FBXL7: variants seen among roughly 807,000 people sequenced by gnomAD.
The protein encoded by FBXL7 is F-box/LRR-repeat protein 7.
In FBXL7, 12 loss-of-function variants were observed where a neutral mutation model predicts 38.3. The ratio of observed to expected loss-of-function variants is 0.31; its 90% CI spans 0.20 to 0.51. FBXL7 has a LOEUF of 0.51. Among genes scored for constraint, FBXL7 ranks in the 20% least tolerant of loss-of-function variants. The pLI, the probability that FBXL7 is intolerant of heterozygous loss-of-function variation, is 0.98. For missense variants in FBXL7, 567 were observed against 676.4 expected, an observed-to-expected ratio of 0.84 and a Z score of 1.79; for synonymous variants, 297 against 300.9, an observed-to-expected ratio of 0.99 and a Z score of 0.13.
intron 2 of FBXL7, among the ~76,000 whole-genome samples, chr5:15,799,424 C>T (rs1737501989): frequency 7.9e-6 from 1 of 127,044 alleles, no homozygotes. Context: ...TACAGTGGTG[C>T]GATGTCAGCT....
rs1198569130 is a variant in FBXL7, at chr5:15,519,142, A to G, written c.37+18429A>G. On this transcript the variant is annotated intron_variant, in intron 1 of 3. Transcript: ENST00000504595. Reference sequence around the variant, plus strand: ...GCGGATCACCTGAGGTCAGGAGTTCAAGACCTGCTTGGCCAACATGGTGAA... The same window carrying G: ...GCGGATCACCTGAGGTCAGGAGTTCGAGACCTGCTTGGCCAACATGGTGAA... Among the ~76,000 whole-genome samples the G allele has an allele frequency of 2.0e-5, 3 of 152,022 alleles. No individual in the cohort carries two copies. The East Asian group carries it at 5.8e-4, about 30-fold the overall frequency.
chr5:15,636,110 T>C (rs1741182683), intron 2 of FBXL7, among the ~76,000 whole-genome samples: 1 of 152,070 alleles, frequency 6.6e-6, no homozygotes, highest in Admixed American at 6.6e-5. Context: ...TGTTTTTTTT[T>C]TTTTAATTTT....
Position 15,928,177 on chromosome 5 carries a change from CGA to C in FBXL7, c.417_418del (p.Cys141ProfsTer91). ...LPTNQLCRCA[R>X]VCRRWYNLAW... The stretch of plus-strand genomic sequence containing the variant: ...CACCAACCAGCTGTGCCGCTGCGCG[CGA>C]GTGTGCCGCCGCTGGTACAACCTGG... On this transcript the variant is annotated frameshift_variant, in exon 3 of 4. Coordinates refer to ENST00000504595, the MANE Select transcript of FBXL7 (RefSeq NM_012304.5). LOFTEE classifies it high-confidence loss of function. The surrounding 1 kb of genome is among the most constrained non-coding windows in gnomAD (Gnocchi z 4.0). The C allele has an allele frequency of 1.9e-6, 3 of 1,609,696 alleles. No individual in the cohort carries two copies.
chr5:15,593,359 A>G (rs1426054886), intron 1 of FBXL7, among the ~76,000 whole-genome samples: 1 of 152,156 alleles, frequency 6.6e-6, no homozygotes, highest in Admixed American at 6.5e-5. Flanking sequence ...CTCCAGCTCT[A>G]CTAAAAATAC....
rs556657873 is a variant in FBXL7 at position 15,811,755 on chromosome 5, A to G, written c.128-116135A>G. Reference sequence around the variant, plus strand: ...AAAAAAAAGCTGATCATCAGTGATCACTAGAGAAATGCAAATCAAAACCAC... The same window carrying G: ...AAAAAAAAGCTGATCATCAGTGATCGCTAGAGAAATGCAAATCAAAACCAC... On this transcript the variant is annotated intron_variant, in intron 2 of 3. Transcript: ENST00000504595. 3.9e-5 allele frequency among the ~76,000 whole-genome samples: 6 copies of G among 152,328 alleles called. No homozygotes were observed. The South Asian group carries it at 1.0e-3, about 26-fold the overall frequency.
At chr5:15,580,102 A>T (rs190288319) in intron 1 of FBXL7, among the ~76,000 whole-genome samples, 1 of 152,142 alleles carries the variant, frequency 6.6e-6, no homozygotes, top group African/African-American at 2.4e-5. Flanking sequence ...AATTAGCGTT[A>T]AAAAAGTTCA....
At chr5:15,904,800 G>A (rs1370038360) in intron 2 of FBXL7, among the ~76,000 whole-genome samples, 2 of 151,838 alleles carry the variant, frequency 1.3e-5, no homozygotes, top group South Asian at 2.1e-4. Flanking sequence ...CTAATATCTG[G>A]CCACCCATGT....
At chr5:15,901,824 C>T (rs1741240882) in intron 2 of FBXL7, among the ~76,000 whole-genome samples, 1 of 152,124 alleles carries the variant, frequency 6.6e-6, no homozygotes, top group Non-Finnish European at 1.5e-5. Flanking sequence ...GATATGATTG[C>T]CGTGTCTTGC....
chr5:15,876,701 T>C lies in FBXL7; in HGVS notation c.128-51189T>C, dbSNP rs1740223371. On this transcript the variant is annotated intron_variant, in intron 2 of 3. Transcript: ENST00000504595. ...TCTATTTTTTAACCTTTCTGTGTTA[T>C]AGTTAGGTATATTTGTCATCTAAGT... Among the ~76,000 whole-genome samples the C allele has an allele frequency of 3.9e-5, 6 of 152,362 alleles. No homozygotes were observed. The South Asian group carries it at 1.0e-3, about 26-fold the overall frequency.
chr5:15,616,308 G>A (rs2126519569), intron 2 of FBXL7, among the ~76,000 whole-genome samples: 1 of 152,260 alleles, frequency 6.6e-6, no homozygotes, highest in Non-Finnish European at 1.5e-5. Context: ...GGCAAATGTT[G>A]TTTTGTGAAA....
chr5:15,669,133 C>A (rs1223358979), intron 2 of FBXL7, among the ~76,000 whole-genome samples: 1 of 151,940 alleles, frequency 6.6e-6, no homozygotes, highest in African/African-American at 2.4e-5. Flanking sequence ...TGTTCACGCT[C>A]GAATTTGACA....
At chr5:15,685,614 G>A (rs1380624650) in intron 2 of FBXL7, among the ~76,000 whole-genome samples, 1 of 152,218 alleles carries the variant, frequency 6.6e-6, no homozygotes, top group Non-Finnish European at 1.5e-5. Context: ...AGAGAAAAGT[G>A]TAGGTTTTTT....
intron 2 of FBXL7, among the ~76,000 whole-genome samples, chr5:15,621,955 T>C (rs541640952): frequency 1.3e-5 from 2 of 152,172 alleles, no homozygotes; most frequent in East Asian, 3.9e-4. Flanking sequence ...TGAATATGAG[T>C]CATTGTGTTA....
At chr5:15,839,553 T>C (rs1194405073) in intron 2 of FBXL7, among the ~76,000 whole-genome samples, 1 of 152,128 alleles carries the variant, frequency 6.6e-6, no homozygotes, top group Admixed American at 6.5e-5. Flanking sequence ...CCCTGATCAA[T>C]GTATTGGTTC....
chr5:15,893,827 G>A (rs1383893833), intron 2 of FBXL7, among the ~76,000 whole-genome samples: 2 of 152,122 alleles, frequency 1.3e-5, no homozygotes, highest in Non-Finnish European at 2.9e-5. Context: ...ACCTTGTATT[G>A]AAGAGACAAA....
At chr5:15,659,442 C>A (rs17647599) in intron 2 of FBXL7, among the ~76,000 whole-genome samples, 53,727 of 151,960 alleles carry the variant, frequency 0.35, 9,754 homozygotes, top group East Asian at 0.5. Context: ...TGTTGGTGGA[C>A]ATGTACAGGC....
At chr5:15,698,223 G>A (rs1743399259) in intron 2 of FBXL7, among the ~76,000 whole-genome samples, 1 of 152,114 alleles carries the variant, frequency 6.6e-6, no homozygotes, top group Non-Finnish European at 1.5e-5. Flanking sequence ...GGATTTTTAT[G>A]AAAGCATAAT....
In FBXL7 at chr5:15,555,832, G is replaced by T. The variant is rs1276790098; in HGVS notation, c.37+55119G>T. On this transcript the variant is annotated intron_variant, in intron 1 of 3. Coordinates refer to ENST00000504595, the MANE Select transcript of FBXL7 (RefSeq NM_012304.5). ...ATAGATAGATAGATAGGTGATAGAT[G>T]AAAGATAGACACAGCAGTGCCCACA... Among the ~76,000 whole-genome samples, 3 of 138,972 alleles carry T rather than the reference G, an allele frequency of 2.2e-5. No individual in the cohort carries two copies. In the East Asian group the frequency reaches 6.2e-4, roughly 29 times the overall value. 91.2% of individuals were successfully genotyped at this position (138,972 alleles called of 152,430 possible). A position where few individuals can be genotyped will look rare whatever the true frequency, so the allele number is the denominator to read the frequency against.
At chr5:15,689,476 T>C (rs1279165015) in intron 2 of FBXL7, among the ~76,000 whole-genome samples, 1 of 152,132 alleles carries the variant, frequency 6.6e-6, no homozygotes, top group Non-Finnish European at 1.5e-5. Flanking sequence ...AGCTGCTACC[T>C]GCGGTGTACA....
Sources: allele counts gnomAD v4.1 joint callset (sites outside exome capture counted in the v4.1 genomes callset), GRCh38; gene constraint gnomAD v4.1.1; non-coding constraint Gnocchi (gnomAD v3.1); transcripts MANE v1.5; gene names NCBI Gene and HGNC (gene_info 2026-07-23, HGNC 2026-07-21).